Variants in DCAF8L2 observed in about 807,000 individuals in gnomAD.
The protein encoded by DCAF8L2 is DDB1 and CUL4 associated factor 8 like 2.
For missense variants in DCAF8L2, 430 were observed against 490.7 expected (o/e 0.88, Z 1.17); for synonymous variants, 200 against 190.9 (o/e 1.05, Z -0.39).
chrX:27,665,854 GACAT>G (rs1255054712), intron 2 of DCAF8L2, among the ~76,000 whole-genome samples: 2 of 111,474 alleles, frequency 1.8e-5, no homozygotes, highest in African/African-American at 6.5e-5. Flanking sequence ...ACATTTTTTA[GACAT>G]AATGCTACTG....
chrX:27,702,059 A>T (rs1931148277), intron 3 of DCAF8L2, among the ~76,000 whole-genome samples: 1 of 111,423 alleles, frequency 9.0e-6, no homozygotes, highest in Admixed American at 9.6e-5. Context: ...CGAGAAAATA[A>T]TTTTAAGAAA....
rs1185276555 is a variant in DCAF8L2 at position 27,746,920 on chromosome X, G to A, written c.25G>A (p.Asp9Asn). The change falls in exon 5 of 5, where the codon GAC (aspartate) becomes AAC (asparagine). Residue 9 changes from aspartate to asparagine, a missense_variant. Asp to Asn is a conservative substitution (Grantham distance 23). Transcript: ENST00000451261. ...GATGTCCCACCAAGAAGGCAGCACA[G>A]ACGGCTTACCAGACTTAGGGACTGA... MSHQEGST[D>N]GLPDLGTESL... is the part of the protein sequence containing the mutation. The A allele has an allele frequency of 8.3e-7, 1 of 1,203,728 alleles. No individual in the cohort carries two copies. Among genetic ancestry groups the A allele is most frequent in the Non-Finnish European group, 1.1e-6 (1 of 892,302 alleles).
chrX:27,530,635 C>T, the DCAF8L2 span, among the ~76,000 whole-genome samples: 1 of 111,109 alleles, frequency 9.0e-6, no homozygotes, highest in African/African-American at 3.3e-5. Context: ...TTCACTTTGC[C>T]TACAGGATGG....
Position 27,615,295 on chromosome X carries a change from C to A in DCAF8L2, c.-341-16584C>A, listed in dbSNP as rs138470459. Among the ~76,000 whole-genome samples, 410 of 111,666 alleles carry A rather than the reference C, an allele frequency of 3.7e-3. 1 individual carries two copies. The highest frequency in any genetic ancestry group is 0.012 in the African/African-American group (375 of 30,838). On this transcript the variant is annotated intron_variant, in intron 1 of 4. Transcript: ENST00000451261. ...GCCTTAGAACTAAAAAGTCACACTT[C>A]TTTTGAATGAACACGTTTAAAGTTT...
At chrX:27,649,658 T>C (rs1472536777) in intron 2 of DCAF8L2, among the ~76,000 whole-genome samples, 1 of 111,856 alleles carries the variant, frequency 8.9e-6, no homozygotes, top group African/African-American at 3.3e-5. Flanking sequence ...GTTGTTTGGT[T>C]TTTGTTTGTT....
intron 2 of DCAF8L2, chrX:27,676,955 G>A (rs1250428625): frequency 5.4e-5 from 6 of 111,437 alleles, no homozygotes; most frequent in Non-Finnish European, 7.5e-5. Context: ...GGAAAAAGAA[G>A]AGAGAGCCAA....
chrX:27,550,365 A>G, the DCAF8L2 span, among the ~76,000 whole-genome samples: 2 of 111,354 alleles, frequency 1.8e-5, no homozygotes, highest in Non-Finnish European at 3.8e-5. Flanking sequence ...TAGCATGTCC[A>G]TCACCTCAAA....
chrX:27,728,168 G>A (rs1305281124), intron 4 of DCAF8L2, among the ~76,000 whole-genome samples: 1 of 111,324 alleles, frequency 9.0e-6, no homozygotes, highest in Non-Finnish European at 1.9e-5. Context: ...ACCTTAGGGA[G>A]GTTCAACAAA....
chrX:27,524,150 G>A, the DCAF8L2 span, among the ~76,000 whole-genome samples: 4 of 111,366 alleles, frequency 3.6e-5, no homozygotes, highest in Admixed American at 2.9e-4. Context: ...CTGTGAATCC[G>A]TCTGGTCCTG....
intron 4 of DCAF8L2, among the ~76,000 whole-genome samples, chrX:27,727,055 A>G (rs1013927703): frequency 2.7e-5 from 3 of 111,971 alleles, no homozygotes; most frequent in Non-Finnish European, 5.7e-5. Flanking sequence ...CTCTTTACCA[A>G]CAATATTGGA....
chrX:27,472,640 G>A, the DCAF8L2 span, among the ~76,000 whole-genome samples: 3 of 111,381 alleles, frequency 2.7e-5, no homozygotes, highest in Non-Finnish European at 5.6e-5. Flanking sequence ...AGAACATGCG[G>A]TGTTTCGTTT....
the DCAF8L2 span, among the ~76,000 whole-genome samples, chrX:27,576,987 C>T: frequency 1.3e-4 from 15 of 111,774 alleles, no homozygotes; most frequent in Non-Finnish European, 1.9e-4. Flanking sequence ...GGCTCTCACC[C>T]AGTGGAAATT....
the DCAF8L2 span, among the ~76,000 whole-genome samples, chrX:27,574,843 A>G: frequency 9.0e-6 from 1 of 110,995 alleles, no homozygotes; most frequent in Non-Finnish European, 1.9e-5. Flanking sequence ...CCTCACGGCA[A>G]TGTCTAAGGG....
the DCAF8L2 span, among the ~76,000 whole-genome samples, chrX:27,497,179 G>A: frequency 9.0e-6 from 1 of 111,232 alleles, no homozygotes; most frequent in East Asian, 2.8e-4. Context: ...GAAGCTACAC[G>A]CGATAGAATT....
intron 1 of DCAF8L2, among the ~76,000 whole-genome samples, chrX:27,607,065 A>G (rs1388631156): frequency 8.9e-6 from 1 of 111,951 alleles, no homozygotes; most frequent in African/African-American, 3.2e-5. Context: ...ACAGTTGACA[A>G]TGTTAAATCT....
At chrX:27,517,192 C>G in the DCAF8L2 span, among the ~76,000 whole-genome samples, 5 of 111,748 alleles carry the variant, frequency 4.5e-5, no homozygotes, top group African/African-American at 1.6e-4. Flanking sequence ...ATGTTCTAAT[C>G]TTTTTCATTA....
intron 1 of DCAF8L2, among the ~76,000 whole-genome samples, chrX:27,621,657 A>AC (rs1927766686): frequency 1.8e-5 from 2 of 111,582 alleles, no homozygotes; most frequent in African/African-American, 6.5e-5. Flanking sequence ...CAGCGTGTAT[A>AC]AGATACCAGG....
chrX:27,729,533 A>C (rs1921066114), intron 4 of DCAF8L2, among the ~76,000 whole-genome samples: 2 of 111,936 alleles, frequency 1.8e-5, no homozygotes, highest in Non-Finnish European at 3.8e-5. Flanking sequence ...GTAGTTTATA[A>C]ACAACAGAAA....
chrX:27,474,368 G>C, the DCAF8L2 span, among the ~76,000 whole-genome samples: 112 of 111,476 alleles, frequency 1.0e-3, no homozygotes, highest in Non-Finnish European at 1.8e-3. Context: ...CCACATATGC[G>C]TACATATCCA....
Sources: allele counts gnomAD v4.1 joint callset (sites outside exome capture counted in the v4.1 genomes callset), GRCh38; gene constraint gnomAD v4.1.1; transcripts MANE v1.5; gene names NCBI Gene and HGNC (gene_info 2026-07-23, HGNC 2026-07-21).